Variants in CHP1 observed in about 807,000 individuals in gnomAD.
CHP1 encodes the protein calcineurin B homologous protein 1.
In CHP1, 11 loss-of-function variants were observed where a neutral mutation model predicts 27.4. The ratio of observed to expected loss-of-function variants is 0.40; its 90% CI spans 0.25 to 0.67. CHP1 has a LOEUF of 0.67. CHP1 is among the 30% of genes least tolerant of loss of function. The probability of loss-of-function intolerance (pLI) is 0.38; values close to 1 mark genes in which losing one functional copy is unlikely to be tolerated. For synonymous variants in CHP1, 89 were observed against 87.4 expected, an observed-to-expected ratio of 1.02 and a Z score of -0.10; for missense variants, 169 against 251.3, an observed-to-expected ratio of 0.67 and a Z score of 2.22.
chr15:41,269,133 G>A (rs1385811448), intron 4 of CHP1, among the ~76,000 whole-genome samples: 1 of 151,894 alleles, frequency 6.6e-6, no homozygotes, highest in Non-Finnish European at 1.5e-5. Context: ...AGCCTGGGAG[G>A]TTGAGGCTGT....
At chr15:41,273,855 C>T (rs1039815375) in intron 5 of CHP1, among the ~76,000 whole-genome samples, 4 of 151,554 alleles carry the variant, frequency 2.6e-5, no homozygotes, top group East Asian at 2.0e-4. Context: ...GTAGGAGAAT[C>T]GCTTGAAACC....
Position 41,278,767 on chromosome 15 carries a change from G to A in CHP1, c.412G>A (p.Val138Met), listed in dbSNP as rs2047531684. The change falls in exon 6 of 7, where the codon GTG (valine) becomes ATG (methionine). Residue 138 changes from valine to methionine, a missense_variant and splice_region_variant. Val to Met is a conservative substitution (Grantham distance 21). Coordinates refer to ENST00000334660, the MANE Select transcript of CHP1 (RefSeq NM_007236.5). ...EKISRDELLQ[V>M]LRMMVGVNIS... ...TAATTCCTGGCTCTTGGTCTTCCAG[G>A]TGCTACGCATGATGGTCGGAGTAAA... 2 of 1,613,972 alleles carry A rather than the reference G, an allele frequency of 1.2e-6. No homozygotes were observed. The highest frequency in any genetic ancestry group is 8.5e-7 in the Non-Finnish European group (1 of 1,179,998).
intron 3 of CHP1, among the ~76,000 whole-genome samples, chr15:41,261,204 G>GCC (rs2047431479): frequency 2.7e-5 from 4 of 150,596 alleles, no homozygotes; most frequent in Non-Finnish European, 5.9e-5. Flanking sequence ...ACCCAGGCTG[G>GCC]AGTGCAGTGG....
At chr15:41,264,900 T>C (rs1456061779) in intron 4 of CHP1, among the ~76,000 whole-genome samples, 1 of 152,246 alleles carries the variant, frequency 6.6e-6, no homozygotes, top group African/African-American at 2.4e-5. Context: ...AAGAAAAGAC[T>C]AGAAGAGTCC....
At chr15:41,231,601 T>G (rs554390302) in intron 1 of CHP1, 152 bp downstream of exon 1, 3 of 696,640 alleles carry the variant, frequency 4.3e-6, no homozygotes, top group South Asian at 1.7e-5. Flanking sequence ...GGAAGACCTG[T>G]TCTTCCAGCT....
At chr15:41,279,253 G>C (rs990089367) in intron 6 of CHP1, 83 bp from the exon 7 acceptor site, 14 of 1,136,126 alleles carry the variant, frequency 1.2e-5, no homozygotes, top group South Asian at 5.2e-5. Flanking sequence ...CAGGAGGAAG[G>C]GGGGAAAACA....
At chr15:41,238,756 G>T (rs1396098335) in intron 1 of CHP1, among the ~76,000 whole-genome samples, 1 of 152,068 alleles carries the variant, frequency 6.6e-6, no homozygotes, top group African/African-American at 2.4e-5. Context: ...GGAGGCTGAG[G>T]CAGGAGAATG....
chr15:41,231,349 C>A lies in CHP1; in HGVS notation c.-34C>A. On this transcript the variant is annotated 5_prime_UTR_variant, in exon 1 of 7. Transcript: ENST00000334660. ...TCCCTCCTGTCGCCGTCTCTTCTGG[C>A]GCCGCTGCTCCCGGAGGAGCTCCCG... The A allele has an allele frequency of 1.3e-6, 2 of 1,572,698 alleles. No homozygotes were observed. Among genetic ancestry groups the A allele is most frequent in the Non-Finnish European group, 1.7e-6 (2 of 1,158,380 alleles).
intron 5 of CHP1, among the ~76,000 whole-genome samples, chr15:41,275,757 C>T (rs1472443696): frequency 6.6e-6 from 1 of 151,946 alleles, no homozygotes; most frequent in Non-Finnish European, 1.5e-5. Context: ...CTCTTGTTGC[C>T]CAGCCTGGAG....
chr15:41,252,279 C>T lies in CHP1; in HGVS notation c.141-4631C>T, dbSNP rs2047373307. ...CCGCCTCCCGGGTTCAAGCAGTTCT[C>T]TGCCTCAGCCTCCCAAGTAGCTGGG... On this transcript the variant is annotated intron_variant, in intron 2 of 6. Coordinates refer to ENST00000334660, the MANE Select transcript of CHP1 (RefSeq NM_007236.5). Among the ~76,000 whole-genome samples, 3 of 151,848 alleles carry T rather than the reference C, an allele frequency of 2.0e-5. No individual in the cohort carries two copies. In the South Asian group the frequency reaches 6.2e-4, roughly 32 times the overall value.
chr15:41,249,148 CT>C (rs2047350812), intron 2 of CHP1, among the ~76,000 whole-genome samples: 1 of 152,248 alleles, frequency 6.6e-6, no homozygotes, highest in South Asian at 2.1e-4. Flanking sequence ...GGCTTCCAAT[CT>C]TTTGTTACCT....
intron 2 of CHP1, 28 bp downstream of exon 2, chr15:41,243,767 C>G: frequency 6.2e-7 from 1 of 1,601,870 alleles, no homozygotes; most frequent in Non-Finnish European, 8.6e-7. Flanking sequence ...TTATTTTCCT[C>G]ACAGAAACCA....
intron 1 of CHP1, among the ~76,000 whole-genome samples, chr15:41,242,793 A>C (rs1421038135): frequency 6.9e-6 from 1 of 144,906 alleles, no homozygotes; most frequent in Non-Finnish European, 1.5e-5. Context: ...AAAATACAAA[A>C]TTAGCTGGGC....
At chr15:41,265,721 A>G (rs989676327) in intron 4 of CHP1, among the ~76,000 whole-genome samples, 5 of 152,098 alleles carry the variant, frequency 3.3e-5, no homozygotes, top group Admixed American at 3.3e-4. Flanking sequence ...AAAAAAAAAA[A>G]AAAGAAATGT....
chr15:41,241,647 T>C (rs1440158179), intron 1 of CHP1, among the ~76,000 whole-genome samples: 1 of 152,264 alleles, frequency 6.6e-6, no homozygotes, highest in Admixed American at 6.5e-5. Flanking sequence ...TTGCCTTCTC[T>C]GCTCAGTGAT....
In CHP1 at chr15:41,249,566, G is replaced by A. The variant is rs556027250; in HGVS notation, c.140+5827G>A. 2.0e-3 allele frequency among the ~76,000 whole-genome samples: 283 copies of A among 138,926 alleles called. 2 individuals are homozygous for A. Among genetic ancestry groups the A allele is most frequent in the Non-Finnish European group, 3.5e-3 (232 of 66,110 alleles). 91.1% of individuals were successfully genotyped at this position (138,926 alleles called of 152,430 possible). On this transcript the variant is annotated intron_variant, in intron 2 of 6. Coordinates refer to ENST00000334660, the MANE Select transcript of CHP1 (RefSeq NM_007236.5). ...CGGCTCACTGCAACCTCCGCCTCCC[G>A]GGTTCATGCCATTCTCATGCCTCAG...
chr15:41,264,872 G>A (rs1309216947), intron 4 of CHP1, among the ~76,000 whole-genome samples: 8 of 152,172 alleles, frequency 5.3e-5, no homozygotes, highest in Admixed American at 3.9e-4. Flanking sequence ...CAGTAAAACC[G>A]AAGCTATTCT....
chr15:41,232,791 T>C (rs1373532647), intron 1 of CHP1, among the ~76,000 whole-genome samples: 1 of 152,180 alleles, frequency 6.6e-6, no homozygotes, highest in African/African-American at 2.4e-5. Flanking sequence ...CTCCGGCCCA[T>C]ATGCAGATAG....
intron 1 of CHP1, among the ~76,000 whole-genome samples, chr15:41,236,398 A>G (rs2047277150): frequency 6.6e-6 from 1 of 151,986 alleles, no homozygotes; most frequent in Admixed American, 6.6e-5. Context: ...AGTAGCTGGG[A>G]CTACAGGCAC....
Sources: gnomAD v4.1 joint callset for allele counts (sites outside exome capture counted in the v4.1 genomes callset) on GRCh38, gnomAD v4.1.1 for gene constraint, MANE v1.5 for transcripts, NCBI Gene and HGNC (gene_info 2026-07-23, HGNC 2026-07-21) for gene names.